Variants in MAP7D3 observed in about 807,000 individuals in gnomAD.
MAP7D3 encodes the protein MAP7 domain containing 3.
MAP7D3 carries 45 observed loss-of-function variants against 62.2 expected under a neutral mutation model. That is an observed-to-expected ratio of 0.72 (90% CI 0.57 to 0.93). The LOEUF is 0.93. Ranked by LOEUF, MAP7D3 falls within the 40% of genes least tolerant of loss-of-function variation. The probability of loss-of-function intolerance (pLI) is 0.00; values close to 1 mark genes in which losing one functional copy is unlikely to be tolerated. For synonymous variants in MAP7D3, 288 were observed against 248.8 expected (o/e 1.16, Z -1.48); for missense variants, 711 against 683.1 (o/e 1.04, Z -0.45).
rs776873435 is a variant in MAP7D3, at chrX:136,228,073, G to C, written c.1886+550C>G. Among the ~76,000 whole-genome samples the C allele has an allele frequency of 8.0e-5, 9 of 111,901 alleles. No homozygotes were observed. The South Asian group carries it at 3.4e-3, about 42-fold the overall frequency. ...AGGCCCGACATAAAATAGTCCTCAA[G>C]ATGGAGGAACAAGAAACCTTTGCTA... On this transcript the variant is annotated intron_variant, in intron 11 of 18. Transcript: ENST00000316077.
At chrX:136,251,264 C>A in intron 1 of MAP7D3, 25 bp downstream of exon 1, 2 of 1,121,692 alleles carry the variant, frequency 1.8e-6, no homozygotes, top group Non-Finnish European at 2.3e-6. Context: ...CCCGAACCAC[C>A]CCCGGGAGCC....
upstream of MAP7D3, chrX:136,251,475 G>T (rs2074512611): frequency 2.4e-6 from 2 of 823,006 alleles, no homozygotes; most frequent in Non-Finnish European, 3.0e-6. Flanking sequence ...GGGCGGGGCG[G>T]GGCGGGGCCC....
In MAP7D3 at chrX:136,244,571, A is replaced by C. The variant is rs2074426127; in HGVS notation, c.417+61T>G. On this transcript the variant is annotated intron_variant, in intron 4 of 18. Coordinates refer to ENST00000316077, the MANE Select transcript of MAP7D3 (RefSeq NM_024597.4). ...TAAGGCAGAGAAGGCCTGAGAAAAC[A>C]ATATTCTAGACTCAGGCAACACAGT... is the stretch of plus-strand genomic sequence containing the variant. 2.8e-6 allele frequency: 3 copies of C among 1,064,003 alleles called. No homozygotes were observed. The East Asian group carries it at 9.2e-5, about 32-fold the overall frequency. The allele number at this position is 1,064,003 out of a possible 1,213,427, so 87.7% of individuals were successfully genotyped here.
At chrX:136,221,152 G>A (rs985677707) in intron 15 of MAP7D3, among the ~76,000 whole-genome samples, 189 bp from the exon 16 acceptor site, 1 of 111,080 alleles carries the variant, frequency 9.0e-6, no homozygotes, top group African/African-American at 3.3e-5. Flanking sequence ...CCAGGCCACT[G>A]CTCAGCACAC....
At chrX:136,222,832 G>GTTTTTTT (rs769168177) in intron 14 of MAP7D3, among the ~76,000 whole-genome samples, 1 of 87,102 alleles carries the variant, frequency 1.1e-5, no homozygotes, top group Non-Finnish European at 2.3e-5. Context: ...GTTTTTGACT[G>GTTTTTTT]TTTTTTTTTT....
chrX:136,217,558 T>A lies in MAP7D3; in HGVS notation c.*968A>T, dbSNP rs2074074680. 1 of 112,198 alleles carries A rather than the reference T, an allele frequency of 8.9e-6. No homozygotes were observed. Among genetic ancestry groups the A allele is most frequent in the Non-Finnish European group, 1.9e-5 (1 of 53,202 alleles). The allele number at this position is 112,198 out of a possible 1,213,427, so 9.2% of individuals were successfully genotyped here. A position where few individuals can be genotyped will look rare whatever the true frequency, so the allele number is the denominator to read the frequency against. ...AGGTTATTAGTGCCTGTGTACTCAC[T>A]GGCACAGATGGGTAGAGTTAAAAAT... is the stretch of plus-strand genomic sequence containing the variant. On this transcript the variant is annotated 3_prime_UTR_variant, in exon 19 of 19. Transcript: ENST00000316077.
chrX:136,255,992 G>C (rs994478293), upstream of MAP7D3: 2 of 671,566 alleles, frequency 3.0e-6, no homozygotes, highest in Non-Finnish European at 1.8e-6. Context: ...CCAATCTAGC[G>C]AATTTGCATG....
At position 136,231,690 on chromosome X, in the gene MAP7D3, C is replaced by T. The variant is rs1427396656; in HGVS notation, c.1267G>A (p.Glu423Lys). 5.0e-6 allele frequency: 6 copies of T among 1,211,327 alleles called. No homozygotes were observed. Among genetic ancestry groups the T allele is most frequent in the Non-Finnish European group, 6.7e-6 (6 of 895,429 alleles). The stretch of plus-strand genomic sequence containing the variant: ...TTCACACTCTCCTTGGGGGCTACTT[C>T]TGCGCTCCCCTTGGGAGGTGCTTCC... ...SLEAPPKGSA[E>K]VAPKESVKGS... Residue 423 changes from glutamate (E) to lysine (K), a missense_variant, in exon 8 of 19, where the codon GAA becomes AAA. By Grantham distance (56) the Glu-to-Lys change is moderately conservative (BLOSUM62 1). Transcript: ENST00000316077.
At chrX:136,232,255 A>G in intron 7 of MAP7D3, 35 bp from the exon 8 acceptor site, 1 of 1,008,523 alleles carries the variant, frequency 9.9e-7, no homozygotes, top group South Asian at 2.2e-5. Flanking sequence ...TCCCTAAGTT[A>G]GAAATCTGAC....
intron 15 of MAP7D3, among the ~76,000 whole-genome samples, chrX:136,221,274 CT>C (rs1349936780): frequency 8.9e-6 from 1 of 112,123 alleles, no homozygotes; most frequent in Non-Finnish European, 1.9e-5. Flanking sequence ...ATTTTCACCC[CT>C]CCCCTGATCA....
rs1405184762 is a variant in MAP7D3, at chrX:136,222,376, C to A, written c.2287+17G>T. ...GGATATGAACCTAAGCAGTCTAGCTCCTAAATGGTGACTAACCTGATGGAA... is the reference window on the plus strand; with the variant it reads ...GGATATGAACCTAAGCAGTCTAGCTACTAAATGGTGACTAACCTGATGGAA... On this transcript the variant is annotated intron_variant, in intron 15 of 18. Coordinates refer to ENST00000316077, the MANE Select transcript of MAP7D3 (RefSeq NM_024597.4). The A allele has an allele frequency of 8.5e-7, 1 of 1,179,770 alleles. No homozygotes were observed. Among genetic ancestry groups the A allele is most frequent in the South Asian group, 1.8e-5 (1 of 55,927 alleles).
Position 136,224,402 on chromosome X carries a change from A to C in MAP7D3, c.2193+425T>G, listed in dbSNP as rs770291868. 3.8e-5 allele frequency among the ~76,000 whole-genome samples: 4 copies of C among 105,514 alleles called. No individual in the cohort carries two copies. The South Asian group carries it at 1.7e-3, about 44-fold the overall frequency. The allele number at this position is 105,514 out of a possible 115,157, so 91.6% of individuals were successfully genotyped here. On this transcript the variant is annotated intron_variant, in intron 14 of 18. Coordinates refer to ENST00000316077, the MANE Select transcript of MAP7D3 (RefSeq NM_024597.4). ...GTGACAGAGCGGGACTCTGTCTCAA[A>C]AAAAAAAAGAGAGAAATGATCAGCG... is the stretch of plus-strand genomic sequence containing the variant.
chrX:136,232,039 G>A lies in MAP7D3; in HGVS notation c.918C>T (p.Pro306=). The A allele has an allele frequency of 1.7e-6, 2 of 1,211,033 alleles. No individual in the cohort carries two copies. The highest frequency in any genetic ancestry group is 2.2e-6 in the Non-Finnish European group (2 of 894,860). The change falls in exon 8 of 19, where the codon CCC becomes CCT. Residue 306 remains proline, a synonymous_variant. Transcript: ENST00000316077. ...ETPPKASVDA[P]PQVNVEVFCN... ...AGAATACTTCCACATTCACCTGGGGGGGTGCATCCACACTTGCCTTGGGAG... is the reference window on the plus strand; with the variant it reads ...AGAATACTTCCACATTCACCTGGGGAGGTGCATCCACACTTGCCTTGGGAG...
Position 136,230,491 on chromosome X carries a change from G to A in MAP7D3, c.1644C>T (p.Thr548=). ...FPYKIMPIQH[T]LSVQSASSTV... ...TACTTGATGCACTTTGCACAGACAGGGTGTGTTGAATAGGCATTATTTTAT... is the reference window on the plus strand; with the variant it reads ...TACTTGATGCACTTTGCACAGACAGAGTGTGTTGAATAGGCATTATTTTAT... The change falls in exon 10 of 19, where the codon ACC becomes ACT. Residue 548 remains threonine (T), a synonymous_variant. Coordinates refer to ENST00000316077, the MANE Select transcript of MAP7D3 (RefSeq NM_024597.4). 1 of 1,184,759 alleles carries A rather than the reference G, an allele frequency of 8.4e-7. No homozygotes were observed. Among genetic ancestry groups the A allele is most frequent in the East Asian group, 3.0e-5 (1 of 33,699 alleles).
At chrX:136,221,082 T>G (rs1229702450) in intron 15 of MAP7D3, 119 bp from the exon 16 acceptor site, 1 of 538,804 alleles carries the variant, frequency 1.9e-6, no homozygotes. Context: ...GCAGGAAGAG[T>G]CAAGCAGCAG....
rs759689501 is a variant in MAP7D3 at position 136,219,390 on chromosome X, G to C, written c.*32+8C>G. Reference sequence around the variant, plus strand: ...TTCAAGAAAAAGGTAGATGAGATGAGGACTTACCCAAATGAGGAGAAACAG... The same window carrying C: ...TTCAAGAAAAAGGTAGATGAGATGACGACTTACCCAAATGAGGAGAAACAG... On this transcript the variant is annotated splice_region_variant and intron_variant, in intron 18 of 18. Coordinates refer to ENST00000316077, the MANE Select transcript of MAP7D3 (RefSeq NM_024597.4). 1 of 1,077,432 alleles carries C rather than the reference G, an allele frequency of 9.3e-7. No individual in the cohort carries two copies. Among genetic ancestry groups the C allele is most frequent in the Non-Finnish European group, 1.3e-6 (1 of 782,253 alleles). The allele number at this position is 1,077,432 out of a possible 1,213,427, so 88.8% of individuals were successfully genotyped here.
chrX:136,228,529 T>C, intron 11 of MAP7D3, 94 bp downstream of exon 11: 8 of 884,451 alleles, frequency 9.0e-6, no homozygotes, highest in Non-Finnish European at 1.3e-5. Context: ...CAATTGTTCT[T>C]TGAGAATTTA....
chrX:136,213,554 G>A (rs2074044058), downstream of MAP7D3: 1 of 111,004 alleles, frequency 9.0e-6, no homozygotes, highest in Non-Finnish European at 1.9e-5. Context: ...CATAATGCAG[G>A]TGCTTAGTGA....
intron 16 of MAP7D3, among the ~76,000 whole-genome samples, chrX:136,220,336 T>C (rs1337070630): frequency 1.8e-5 from 2 of 112,208 alleles, no homozygotes; most frequent in Non-Finnish European, 3.8e-5. Flanking sequence ...AATGAGGATA[T>C]TACTGTCACA....
Sources: gnomAD v4.1 joint callset for allele counts (sites outside exome capture counted in the v4.1 genomes callset) on GRCh38, gnomAD v4.1.1 for gene constraint, MANE v1.5 for transcripts, NCBI Gene and HGNC (gene_info 2026-07-23, HGNC 2026-07-21) for gene names.